EFCAB5: variants seen among roughly 807,000 people sequenced by gnomAD.
EFCAB5 encodes the protein EF-hand calcium binding domain 5, also known as EF-hand calcium-binding domain-containing protein 5.
In EFCAB5, 131 loss-of-function variants were observed where a neutral mutation model predicts 167.9. The ratio of observed to expected loss-of-function variants is 0.78; its 90% CI spans 0.68 to 0.90. The LOEUF is 0.90. EFCAB5 is among the 40% of genes least tolerant of loss of function. The pLI, the probability that EFCAB5 is intolerant of heterozygous loss-of-function variation, is 0.00. For synonymous variants in EFCAB5, 574 were observed against 602.8 expected (o/e 0.95, Z 0.70); for missense variants, 1,663 against 1,745.2 (o/e 0.95, Z 0.84).
intron 7 of EFCAB5, among the ~76,000 whole-genome samples, chr17:30,024,930 G>C (rs2069277461): frequency 6.6e-6 from 1 of 150,870 alleles, no homozygotes; most frequent in Non-Finnish European, 1.5e-5. Flanking sequence ...ACAAGCAATG[G>C]GGAAAGGATT....
At chr17:29,975,008 A>G (rs1366943737) in intron 4 of EFCAB5, among the ~76,000 whole-genome samples, 1 of 152,114 alleles carries the variant, frequency 6.6e-6, no homozygotes, top group Non-Finnish European at 1.5e-5. Context: ...CTTGGGCAAC[A>G]CAATGAGACC....
intron 14 of EFCAB5, chr17:30,068,694 A>C (rs191335382): frequency 3.8e-6 from 6 of 1,574,726 alleles, no homozygotes; most frequent in Non-Finnish European, 5.2e-6. Flanking sequence ...AGAACAAGGC[A>C]CTGGGAGTGG....
chr17:29,942,199 C>G (rs1235474730), intron 1 of EFCAB5, 41 bp from the exon 2 acceptor site: 11 of 1,520,196 alleles, frequency 7.2e-6, no homozygotes, highest in Non-Finnish European at 9.8e-6. Context: ...TAATCCACAG[C>G]TCTTTTTGGA....
intron 4 of EFCAB5, among the ~76,000 whole-genome samples, chr17:29,991,005 C>T (rs969080575): frequency 9.9e-5 from 15 of 152,178 alleles, no homozygotes; most frequent in South Asian, 2.1e-4. Flanking sequence ...AACAAACCTG[C>T]TCTGTCACCT....
At chr17:30,093,509 A>G (rs2071239346) in intron 22 of EFCAB5, among the ~76,000 whole-genome samples, 1 of 152,170 alleles carries the variant, frequency 6.6e-6, no homozygotes, top group African/African-American at 2.4e-5. Context: ...AATTGGGAAA[A>G]TGGCTCTGTA....
chr17:29,953,459 G>A (rs1318285029), intron 3 of EFCAB5, among the ~76,000 whole-genome samples: 1 of 152,142 alleles, frequency 6.6e-6, no homozygotes, highest in Non-Finnish European at 1.5e-5. Flanking sequence ...ATGATAGTGA[G>A]TAAGTCTTAC....
At chr17:29,944,026 A>G (rs2067346967) in intron 3 of EFCAB5, among the ~76,000 whole-genome samples, 1 of 152,118 alleles carries the variant, frequency 6.6e-6, no homozygotes, top group Non-Finnish European at 1.5e-5. Flanking sequence ...TTTACTGGGG[A>G]TGCGTTCTTC....
chr17:30,078,566 T>C (rs2151832179), intron 15 of EFCAB5, 62 bp downstream of exon 15: 1 of 1,460,848 alleles, frequency 6.8e-7, no homozygotes. Context: ...ATGTTCAATG[T>C]TTGCAAAAGA....
chr17:30,096,678 T>TATATATATATATATATATA (rs1491331465), intron 22 of EFCAB5, among the ~76,000 whole-genome samples: 3 of 40,770 alleles, frequency 7.4e-5, no homozygotes, highest in African/African-American at 4.1e-4. Context: ...TATATATATA[T>TATATATATATATATATATA]TTTTTTTTTT....
chr17:29,943,475 A>T, intron 2 of EFCAB5, 90 bp from the exon 3 acceptor site: 1 of 1,149,726 alleles, frequency 8.7e-7, no homozygotes, highest in Non-Finnish European at 1.2e-6. Flanking sequence ...CTTACAAAGC[A>T]ATTAACTTTC....
At chr17:30,008,373 G>A (rs113066390) in intron 7 of EFCAB5, among the ~76,000 whole-genome samples, 40 of 152,074 alleles carry the variant, frequency 2.6e-4, no homozygotes, top group Non-Finnish European at 3.4e-4. Flanking sequence ...CAGGCAGACC[G>A]TTGGAGGTCA....
At chr17:29,932,386 A>G (rs1264277102) in intron 1 of EFCAB5, among the ~76,000 whole-genome samples, 4 of 147,492 alleles carry the variant, frequency 2.7e-5, no homozygotes, top group African/African-American at 7.5e-5. Flanking sequence ...CCTGTCCTCA[A>G]GTGATCTGCC....
At chr17:30,059,836 A>T (rs2070378160) in intron 14 of EFCAB5, 135 bp downstream of exon 14, 1 of 581,336 alleles carries the variant, frequency 1.7e-6, no homozygotes. Flanking sequence ...GTATAGATAT[A>T]CATTTATCTT....
intron 3 of EFCAB5, among the ~76,000 whole-genome samples, chr17:29,967,272 G>C (rs2067849110): frequency 6.6e-6 from 1 of 152,146 alleles, no homozygotes; most frequent in African/African-American, 2.4e-5. Flanking sequence ...GTTTTCTATA[G>C]TCTGATGCCA....
intron 18 of EFCAB5, 48 bp downstream of exon 18, chr17:30,083,091 C>T (rs781164851): frequency 6.4e-7 from 1 of 1,565,848 alleles, no homozygotes; most frequent in African/African-American, 1.4e-5. Context: ...AGCCGAGTGT[C>T]TAGATGTTAT....
chr17:29,994,844 G>A (rs1181244940), intron 5 of EFCAB5, among the ~76,000 whole-genome samples: 1 of 152,206 alleles, frequency 6.6e-6, no homozygotes, highest in Non-Finnish European at 1.5e-5. Context: ...ACACTTGTAA[G>A]TGATGATACC....
intron 7 of EFCAB5, among the ~76,000 whole-genome samples, chr17:30,030,074 G>T (rs2069438877): frequency 6.6e-6 from 1 of 152,172 alleles, no homozygotes. Context: ...TCCTTGGAAA[G>T]GTATGAAAAC....
chr17:30,035,667 A>C (rs550491310), intron 8 of EFCAB5, among the ~76,000 whole-genome samples: 1 of 152,202 alleles, frequency 6.6e-6, no homozygotes, highest in Non-Finnish European at 1.5e-5. Context: ...GGGGAGTCTT[A>C]TAAGAGTTAT....
intron 8 of EFCAB5, among the ~76,000 whole-genome samples, chr17:30,038,647 T>C (rs1227727836): frequency 6.6e-6 from 1 of 152,238 alleles, no homozygotes; most frequent in Admixed American, 6.5e-5. Context: ...ATTCCTTTGA[T>C]GGATCTGGGC....
Sources: allele counts gnomAD v4.1 joint callset (sites outside exome capture counted in the v4.1 genomes callset), GRCh38; gene constraint gnomAD v4.1.1; transcripts MANE v1.5; gene names NCBI Gene and HGNC (gene_info 2026-07-23, HGNC 2026-07-21).